Variants in ADAMTS12 observed in about 807,000 individuals in gnomAD.
The protein encoded by ADAMTS12 is ADAM metallopeptidase with thrombospondin type 1 motif 12, also known as A disintegrin and metalloproteinase with thrombospondin motifs 12.
In ADAMTS12, 118 loss-of-function variants were observed where a neutral mutation model predicts 167.8. That is an observed-to-expected ratio of 0.70 (90% confidence interval 0.61 to 0.82). The LOEUF (loss-of-function observed/expected upper bound fraction) is 0.82. Ranked by LOEUF, ADAMTS12 falls within the 40% of genes least tolerant of loss-of-function variation. The pLI, the probability that ADAMTS12 is intolerant of heterozygous loss-of-function variation, is 0.00. For synonymous variants in ADAMTS12, 704 were observed against 716.9 expected (o/e 0.98, Z 0.29); for missense variants, 1,916 against 1,998.8 (o/e 0.96, Z 0.79).
chr5:33,852,240 C>T (rs974643389), intron 2 of ADAMTS12, among the ~76,000 whole-genome samples: 1 of 152,036 alleles, frequency 6.6e-6, no homozygotes, highest in Admixed American at 6.6e-5. Context: ...GCTGAGAATA[C>T]TGAAGGACCA....
At chr5:33,768,059 T>TA (rs975159322) in intron 2 of ADAMTS12, among the ~76,000 whole-genome samples, 25 of 152,026 alleles carry the variant, frequency 1.6e-4, no homozygotes, top group South Asian at 4.2e-4. Context: ...TTAAAGCTGT[T>TA]AAAAAAAATG....
rs1740264606 is a variant in ADAMTS12, at chr5:33,637,740, C to T, written c.1725G>A (p.Lys575=). 1 of 1,612,440 alleles carries T rather than the reference C, an allele frequency of 6.2e-7. No individual in the cohort carries two copies. The highest frequency in any genetic ancestry group is 2.2e-5 in the East Asian group (1 of 44,826). ...CTCCAGTGCAATATTTCCCTCCAAA[C>T]TTTGGCCTGCAAATGAAACAGACAA... ...AERLCNNPEP[K]FGGKYCTGER... Residue 575 remains lysine, a synonymous_variant, in exon 12 of 24, where the codon AAG becomes AAA. Coordinates refer to ENST00000504830, the MANE Select transcript of ADAMTS12 (RefSeq NM_030955.4).
At chr5:33,736,570 C>A (rs933101274) in intron 3 of ADAMTS12, among the ~76,000 whole-genome samples, 2 of 152,192 alleles carry the variant, frequency 1.3e-5, no homozygotes, top group Non-Finnish European at 2.9e-5. Context: ...AAAGCACAAG[C>A]CTCACACAGA....
chr5:33,551,290 T>C (rs1180062165), intron 20 of ADAMTS12, among the ~76,000 whole-genome samples: 1 of 152,156 alleles, frequency 6.6e-6, no homozygotes, highest in Non-Finnish European at 1.5e-5. Flanking sequence ...CATGGGCCCA[T>C]GTGATGAGGG....
intron 3 of ADAMTS12, among the ~76,000 whole-genome samples, chr5:33,748,693 A>G (rs1744875982): frequency 6.6e-6 from 1 of 152,160 alleles, no homozygotes; most frequent in South Asian, 2.1e-4. Context: ...CATATATGGT[A>G]AAGGTGATCT....
rs763272361 is a variant in ADAMTS12, at chr5:33,643,337, C to T, written c.1572+41G>A. ...TCCTCAGCTCCTCCCAAGAACTCTGCCCACCGCCCTCCCACCTCATTCCTC... is the reference window on the plus strand; with the variant it reads ...TCCTCAGCTCCTCCCAAGAACTCTGTCCACCGCCCTCCCACCTCATTCCTC... On this transcript the variant is annotated intron_variant, in intron 10 of 23. Coordinates refer to ENST00000504830, the MANE Select transcript of ADAMTS12 (RefSeq NM_030955.4). The T allele has an allele frequency of 1.9e-6, 3 of 1,604,066 alleles. No individual in the cohort carries two copies. In the Admixed American group the frequency reaches 5.0e-5, roughly 27 times the overall value.
rs115296762 is a variant in ADAMTS12 at position 33,778,390 on chromosome 5, C to T, written c.490-26842G>A. Among the ~76,000 whole-genome samples, 741 of 152,240 alleles carry T rather than the reference C, an allele frequency of 4.9e-3. 4 individuals carry two copies. Among genetic ancestry groups the T allele is most frequent in the African/African-American group, 0.017 (701 of 41,578 alleles). On this transcript the variant is annotated intron_variant, in intron 2 of 23. Coordinates refer to ENST00000504830, the MANE Select transcript of ADAMTS12 (RefSeq NM_030955.4). ...CACACATTTATGGTCCATTGATCTT[C>T]AACAAAGATGCCAAGAATGCATACA... is the stretch of plus-strand genomic sequence containing the variant.
chr5:33,562,730 C>A (rs2111897134), intron 19 of ADAMTS12, among the ~76,000 whole-genome samples: 1 of 151,542 alleles, frequency 6.6e-6, no homozygotes, highest in East Asian at 1.9e-4. Flanking sequence ...CTCCCAAGTT[C>A]AAGCAATTCT....
intron 2 of ADAMTS12, among the ~76,000 whole-genome samples, chr5:33,773,740 C>T (rs760195359): frequency 8.5e-5 from 13 of 152,148 alleles, no homozygotes; most frequent in Admixed American, 2.0e-4. Flanking sequence ...CCACATACCC[C>T]GAGCTACTGA....
At chr5:33,548,217 C>T (rs946599065) in intron 21 of ADAMTS12, among the ~76,000 whole-genome samples, 13 of 152,192 alleles carry the variant, frequency 8.5e-5, no homozygotes, top group African/African-American at 2.9e-4. Context: ...GTTCACTTTT[C>T]GCTCAATGCC....
chr5:33,864,976 C>T (rs1749761440), intron 2 of ADAMTS12, among the ~76,000 whole-genome samples: 1 of 151,678 alleles, frequency 6.6e-6, no homozygotes, highest in South Asian at 2.1e-4. Context: ...TATCCCAGAA[C>T]TTAAAGTATT....
intron 3 of ADAMTS12, among the ~76,000 whole-genome samples, chr5:33,745,323 T>G (rs530006318): frequency 1.3e-5 from 2 of 152,300 alleles, no homozygotes; most frequent in African/African-American, 4.8e-5. Flanking sequence ...CAAAGCTACT[T>G]ATTCATTGCC....
intron 2 of ADAMTS12, among the ~76,000 whole-genome samples, chr5:33,867,291 A>G (rs1749859204): frequency 6.6e-6 from 1 of 152,200 alleles, no homozygotes; most frequent in Non-Finnish European, 1.5e-5. Context: ...AAAAAAGAAG[A>G]AAATAATGTC....
In ADAMTS12 at chr5:33,804,416, C is replaced by A. The variant is rs368599984; in HGVS notation, c.490-52868G>T. Among the ~76,000 whole-genome samples the A allele has an allele frequency of 1.1e-4, 16 of 152,326 alleles. No individual in the cohort carries two copies. In the South Asian group the frequency reaches 3.3e-3, roughly 32 times the overall value. ...GGCCTCAGAAGGAACATACAGAGAGCAGACCTGAGCCCAACCCTGCATGAG... is the reference window on the plus strand; with the variant it reads ...GGCCTCAGAAGGAACATACAGAGAGAAGACCTGAGCCCAACCCTGCATGAG... On this transcript the variant is annotated intron_variant, in intron 2 of 23. Coordinates refer to ENST00000504830, the MANE Select transcript of ADAMTS12 (RefSeq NM_030955.4).
chr5:33,613,812 A>G (rs1473913568), intron 16 of ADAMTS12, among the ~76,000 whole-genome samples: 1 of 152,190 alleles, frequency 6.6e-6, no homozygotes, highest in Non-Finnish European at 1.5e-5. Flanking sequence ...ATGAATAAAC[A>G]GGAGATGGAG....
chr5:33,874,677 C>T (rs145335451), intron 2 of ADAMTS12, among the ~76,000 whole-genome samples: 71 of 152,230 alleles, frequency 4.7e-4, no homozygotes, highest in East Asian at 2.9e-3. Flanking sequence ...TTAAAAGCAA[C>T]GAAGATGTCT....
At chr5:33,782,396 G>T (rs1746166453) in intron 2 of ADAMTS12, among the ~76,000 whole-genome samples, 1 of 151,966 alleles carries the variant, frequency 6.6e-6, no homozygotes, top group Non-Finnish European at 1.5e-5. Context: ...AGAAGAAAAA[G>T]ACATGAGACA....
chr5:33,693,204 A>G (rs1304938108), intron 3 of ADAMTS12, among the ~76,000 whole-genome samples: 1 of 152,178 alleles, frequency 6.6e-6, no homozygotes, highest in Non-Finnish European at 1.5e-5. Flanking sequence ...CAGATTGACA[A>G]ATGTTAACTT....
intron 3 of ADAMTS12, 109 bp downstream of exon 3, chr5:33,751,295 G>T: frequency 4.6e-6 from 6 of 1,318,262 alleles, no homozygotes; most frequent in South Asian, 1.3e-5. Context: ...AAAAAAAAAA[G>T]AATACAGAGG....
Sources: allele counts gnomAD v4.1 joint callset (sites outside exome capture counted in the v4.1 genomes callset), GRCh38; gene constraint gnomAD v4.1.1; transcripts MANE v1.5; gene names NCBI Gene and HGNC (gene_info 2026-07-23, HGNC 2026-07-21).